The following BCAS3 variants were observed in gnomAD, a reference collection of about 807,000 sequenced individuals.
BCAS3 encodes the protein BCAS3 microtubule associated cell migration factor.
A neutral mutation model predicts 116.1 loss-of-function variants in BCAS3; 53 were observed. The observed-to-expected ratio is 0.46, with a 90% CI of 0.37 to 0.57. The LOEUF (loss-of-function observed/expected upper bound fraction) is 0.57. Ranked by LOEUF, BCAS3 falls within the 20% of genes least tolerant of loss-of-function variation. BCAS3 has a pLI of 0.00. For synonymous variants in BCAS3, 391 were observed against 408.2 expected, an observed-to-expected ratio of 0.96 and a Z score of 0.51; for missense variants, 917 against 1,165.4, an observed-to-expected ratio of 0.79 and a Z score of 3.10.
At chr17:61,212,710 A>G (rs2081536663) in intron 22 of BCAS3, among the ~76,000 whole-genome samples, 1 of 152,208 alleles carries the variant, frequency 6.6e-6, no homozygotes, top group African/African-American at 2.4e-5. Context: ...AGACTATGCT[A>G]GCCTTAACTG....
intron 7 of BCAS3, among the ~76,000 whole-genome samples, chr17:60,820,556 A>G (rs1017627783): frequency 1.3e-5 from 2 of 152,240 alleles, no homozygotes; most frequent in Non-Finnish European, 2.9e-5. Flanking sequence ...TAAAATGGAT[A>G]GAAATAGGCT....
At chr17:61,074,893 T>G (rs1430206658) in intron 19 of BCAS3, 27 bp from the exon 20 acceptor site, 1 of 1,535,636 alleles carries the variant, frequency 6.5e-7, no homozygotes, top group Admixed American at 1.7e-5. Context: ...AATGAAGTGG[T>G]TTAAATCTAT....
chr17:60,736,284 T>C (rs1041664995), intron 5 of BCAS3, among the ~76,000 whole-genome samples: 1 of 152,056 alleles, frequency 6.6e-6, no homozygotes, highest in African/African-American at 2.4e-5. Context: ...ATGAGAGATA[T>C]TGATCTGTGG....
intron 22 of BCAS3, among the ~76,000 whole-genome samples, chr17:61,176,257 GTTAT>G (rs1266565302): frequency 6.7e-6 from 1 of 148,624 alleles, no homozygotes; most frequent in Non-Finnish European, 1.5e-5. Flanking sequence ...GATGTATATG[GTTAT>G]TTAATATATT....
intron 12 of BCAS3, among the ~76,000 whole-genome samples, chr17:60,913,289 C>T (rs1474603056): frequency 6.6e-6 from 1 of 151,840 alleles, no homozygotes; most frequent in African/African-American, 2.4e-5. Context: ...GTTAGTAGCC[C>T]CAATCTTCCA....
chr17:61,067,740 A>AATATAT (rs1334028912), intron 19 of BCAS3, among the ~76,000 whole-genome samples: 89 of 133,680 alleles, frequency 6.7e-4, no homozygotes, highest in African/African-American at 2.8e-3. Flanking sequence ...AAAAAAAAAA[A>AATATAT]ATATATATAT....
At position 60,968,735 on chromosome 17, in the gene BCAS3, A is replaced by G. The variant is rs139613535; in HGVS notation, c.1222-21236A>G. The stretch of plus-strand genomic sequence containing the variant: ...CAGGGACCTTTGTAATGTATTGCCT[A>G]CTACATGGTGCTGCTGAACAGCCAC... On this transcript the variant is annotated intron_variant, in intron 14 of 23. Transcript: ENST00000407086. Among the ~76,000 whole-genome samples the G allele has an allele frequency of 1.3e-3, 202 of 152,138 alleles. 2 individuals are homozygous for G. In the East Asian group the frequency reaches 0.015, roughly 12 times the overall value.
chr17:61,079,839 T>C (rs1368872874), intron 21 of BCAS3, among the ~76,000 whole-genome samples: 1 of 146,128 alleles, frequency 6.8e-6, no homozygotes, highest in Non-Finnish European at 1.5e-5. Flanking sequence ...CAAGTGATCC[T>C]CCCGCCTTGG....
rs1036792126 is a variant in BCAS3, at chr17:61,084,109, T to A, written c.2328-358T>A. 6.6e-6 allele frequency among the ~76,000 whole-genome samples: 1 copy of A among 152,248 alleles called. No homozygotes were observed. Among genetic ancestry groups the A allele is most frequent in the Non-Finnish European group, 1.5e-5 (1 of 68,042 alleles). On this transcript the variant is annotated intron_variant, in intron 21 of 23. Transcript: ENST00000407086. The surrounding 1 kb of genome is among the most constrained non-coding windows in gnomAD (Gnocchi z 5.5). Reference sequence around the variant, plus strand: ...ATTTCAGGATTCTCAAAACTCTTCATGTGTGTCCCTTGGAAATCCCAAAGG... The same window carrying A: ...ATTTCAGGATTCTCAAAACTCTTCAAGTGTGTCCCTTGGAAATCCCAAAGG...
chr17:61,256,933 G>A lies in BCAS3; in HGVS notation c.2426-111394G>A, dbSNP rs961995317. 2.0e-5 allele frequency among the ~76,000 whole-genome samples: 3 copies of A among 152,038 alleles called. No homozygotes were observed. Among genetic ancestry groups the A allele is most frequent in the Non-Finnish European group, 1.5e-5 (1 of 68,016 alleles). Reference sequence around the variant, plus strand: ...AGTAATTCCTTGGAGGTGAACCTAGGTTCTCTTTGAGGTATTTTCTCTACC... The same window carrying A: ...AGTAATTCCTTGGAGGTGAACCTAGATTCTCTTTGAGGTATTTTCTCTACC... On this transcript the variant is annotated intron_variant, in intron 22 of 23. Coordinates refer to ENST00000407086, the MANE Select transcript of BCAS3 (RefSeq NM_017679.5). The surrounding 1 kb of genome is among the most constrained non-coding windows in gnomAD (Gnocchi z 5.6).
chr17:61,091,738 A>G (rs930869978), intron 22 of BCAS3, among the ~76,000 whole-genome samples: 3 of 152,220 alleles, frequency 2.0e-5, no homozygotes, highest in Non-Finnish European at 4.4e-5. Context: ...GTTCCAGAGA[A>G]AAGTCTTGTT....
chr17:61,308,096 A>C (rs1252597715), intron 22 of BCAS3, among the ~76,000 whole-genome samples: 1 of 152,228 alleles, frequency 6.6e-6, no homozygotes, highest in Non-Finnish European at 1.5e-5. Flanking sequence ...AAACTAGACC[A>C]GCCAGGCGTT....
chr17:61,167,606 T>A (rs1210383060), intron 22 of BCAS3, among the ~76,000 whole-genome samples: 1 of 152,214 alleles, frequency 6.6e-6, no homozygotes, highest in Non-Finnish European at 1.5e-5. Context: ...GATGGTCCCC[T>A]GACTCAAGTA....
At position 61,131,885 on chromosome 17, in the gene BCAS3, G is replaced by C. The variant is rs1223875657; in HGVS notation, c.2425+47321G>C. On this transcript the variant is annotated intron_variant, in intron 22 of 23. Coordinates refer to ENST00000407086, the MANE Select transcript of BCAS3 (RefSeq NM_017679.5). This position sits in a 1 kb window ranked among gnomAD's most constrained non-coding sequence, Gnocchi z 4.4. Reference sequence around the variant, plus strand: ...TCTGAGCTTTTGAAAAGGAGGTAGTGGTAGCCAAAGGAAATATTTCTTCTT... The same window carrying C: ...TCTGAGCTTTTGAAAAGGAGGTAGTCGTAGCCAAAGGAAATATTTCTTCTT... 6.6e-6 allele frequency among the ~76,000 whole-genome samples: 1 copy of C among 152,164 alleles called. No homozygotes were observed. The highest frequency in any genetic ancestry group is 1.9e-4 in the East Asian group (1 of 5,198).
intron 22 of BCAS3, among the ~76,000 whole-genome samples, chr17:61,360,080 C>T (rs2058374096): frequency 6.6e-6 from 1 of 151,284 alleles, no homozygotes; most frequent in African/African-American, 2.4e-5. Flanking sequence ...AGCCTCGGCT[C>T]ACTGCAACCT....
chr17:60,824,946 G>A (rs551286567), intron 7 of BCAS3, among the ~76,000 whole-genome samples: 65 of 152,222 alleles, frequency 4.3e-4, no homozygotes, highest in African/African-American at 1.4e-3. Flanking sequence ...CAGGAGGATC[G>A]CTTGAGCCCA....
chr17:60,810,346 A>G (rs986512325), intron 7 of BCAS3: 3 of 448,108 alleles, frequency 6.7e-6, no homozygotes, highest in South Asian at 5.4e-5. Flanking sequence ...CATGGGGTCC[A>G]GGGGCCTGGT....
At position 61,162,286 on chromosome 17, in the gene BCAS3, C is replaced by T. The variant is rs1188190186; in HGVS notation, c.2425+77722C>T. ...TGGGAGCCTAGTTAAGATTCCGATT[C>T]TCTGTGGGATGGGGATAGGTAGGGA... On this transcript the variant is annotated intron_variant, in intron 22 of 23. Transcript: ENST00000407086. This position sits in a 1 kb window ranked among gnomAD's most constrained non-coding sequence, Gnocchi z 5.6. Among the ~76,000 whole-genome samples the T allele has an allele frequency of 6.6e-6, 1 of 152,092 alleles. No homozygotes were observed. Among genetic ancestry groups the T allele is most frequent in the African/African-American group, 2.4e-5 (1 of 41,412 alleles).
Position 61,124,645 on chromosome 17 carries a change from GTT to G in BCAS3, c.2425+40085_2425+40086del. Among the ~76,000 whole-genome samples, 1 of 152,244 alleles carries G rather than the reference GTT, an allele frequency of 6.6e-6. No individual in the cohort carries two copies. The highest frequency in any genetic ancestry group is 1.9e-4 in the East Asian group (1 of 5,182). Reference sequence around the variant, plus strand: ...GTTATGTAGTTAATCATATTAAACTGTTTTTCAGTTTTGAAATATGAGAGATT... The same window carrying G: ...GTTATGTAGTTAATCATATTAAACTGTTTCAGTTTTGAAATATGAGAGATT... On this transcript the variant is annotated intron_variant, in intron 22 of 23. Transcript: ENST00000407086. This position sits in a 1 kb window ranked among gnomAD's most constrained non-coding sequence, Gnocchi z 4.6.
Sources: gnomAD v4.1 joint callset for allele counts (sites outside exome capture counted in the v4.1 genomes callset) on GRCh38, gnomAD v4.1.1 for gene constraint, Gnocchi (gnomAD v3.1) non-coding constraint, MANE v1.5 for transcripts, NCBI Gene and HGNC (gene_info 2026-07-23, HGNC 2026-07-21) for gene names.